The following ZHX2 variants were observed in gnomAD, a reference collection of about 807,000 sequenced individuals.
ZHX2 encodes the protein zinc fingers and homeoboxes 2, also known as zinc fingers and homeoboxes protein 2.
In ZHX2, 6 loss-of-function variants were observed where a neutral mutation model predicts 21.9. The ratio of observed to expected loss-of-function variants is 0.27; its 90% CI spans 0.15 to 0.54. ZHX2 has a LOEUF of 0.54. Among genes scored for constraint, ZHX2 ranks in the 20% least tolerant of loss-of-function variants. The probability of loss-of-function intolerance (pLI) is 0.95; values close to 1 mark genes in which losing one functional copy is unlikely to be tolerated. For synonymous variants in ZHX2, 434 were observed against 437.1 expected (o/e 0.99, Z 0.09); for missense variants, 908 against 1,090.7 (o/e 0.83, Z 2.36).
At chr8:122,883,834 G>A (rs1819772312) in intron 2 of ZHX2, among the ~76,000 whole-genome samples, 2 of 152,248 alleles carry the variant, frequency 1.3e-5, no homozygotes, top group Admixed American at 6.5e-5. Context: ...AACACCAGGT[G>A]TGGACGGGTT....
Position 122,953,172 on chromosome 8 carries a change from T to C in ZHX2, c.1662T>C (p.Pro554=), listed in dbSNP as rs774510568. 3.7e-6 allele frequency: 6 copies of C among 1,613,738 alleles called. No homozygotes were observed. Among genetic ancestry groups the C allele is most frequent in the Non-Finnish European group, 4.2e-6 (5 of 1,179,968 alleles). ...LEDSFLKSSF[P]TQAELDRLRV... ...ACAGCTTTTTGAAAAGTTCTTTTCC[T>C]ACCCAAGCAGAACTGGATCGGCTAA... Residue 554 remains proline, a synonymous_variant, in exon 3 of 4, where the codon CCT becomes CCC. Coordinates refer to ENST00000314393, the MANE Select transcript of ZHX2 (RefSeq NM_014943.5). This position sits in a 1 kb window ranked among gnomAD's most constrained non-coding sequence, Gnocchi z 4.6.
At chr8:122,858,650 T>C (rs1480429775) in intron 1 of ZHX2, among the ~76,000 whole-genome samples, 1 of 147,152 alleles carries the variant, frequency 6.8e-6, no homozygotes, top group Middle Eastern at 3.2e-3. Flanking sequence ...TTTTTTTTTT[T>C]TTTTTTTTGA....
rs1339925232 is a variant in ZHX2, at chr8:122,828,991, ACT to A, written c.-282-34483_-282-34482del. On this transcript the variant is annotated intron_variant, in intron 1 of 3. Transcript: ENST00000314393. This position sits in a 1 kb window ranked among gnomAD's most constrained non-coding sequence, Gnocchi z 5.2. ...TCACCAAAAAGAAAACATTTACTTA[ACT>A]CTGAGCCATTTATTAAATAGAATAT... Among the ~76,000 whole-genome samples, 5 of 152,232 alleles carry A rather than the reference ACT, an allele frequency of 3.3e-5. No individual in the cohort carries two copies. Among genetic ancestry groups the A allele is most frequent in the African/African-American group, 1.2e-4 (5 of 41,460 alleles).
Position 122,973,468 on chromosome 8 carries a change from A to G in ZHX2, c.*231A>G, listed in dbSNP as rs3802266. The G allele has an allele frequency of 0.49, 74,498 of 152,366 alleles. 18,817 individuals carry two copies. The highest frequency in any genetic ancestry group is 0.62 in the African/African-American group (25,462 of 41,400). The allele number at this position is 152,366 out of a possible 1,614,324, so 9.4% of individuals were successfully genotyped here. On this transcript the variant is annotated 3_prime_UTR_variant, in exon 4 of 4. Coordinates refer to ENST00000314393, the MANE Select transcript of ZHX2 (RefSeq NM_014943.5). Reference sequence around the variant, plus strand: ...CCAAAGTCCTACTACTGCGTTTTCAATGGGTCCTTGTACATAGTTTGCTCC... The same window carrying G: ...CCAAAGTCCTACTACTGCGTTTTCAGTGGGTCCTTGTACATAGTTTGCTCC...
Position 122,952,479 on chromosome 8 carries a change from A to C in ZHX2, c.969A>C (p.Pro323=), listed in dbSNP as rs772091106. Residue 323 remains proline, a synonymous_variant, in exon 3 of 4, where the codon CCA becomes CCC. Transcript: ENST00000314393. This position sits in a 1 kb window ranked among gnomAD's most constrained non-coding sequence, Gnocchi z 6.9. ...TAAAGCATGGCATCAGCTGGTCCCC[A>C]GAAGAGGTGGAGGAGGCCCGGAAGA... ...QRLKHGISWS[P]EEVEEARKKM... is the part of the protein sequence containing the mutation. 6.2e-7 allele frequency: 1 copy of C among 1,614,084 alleles called. No homozygotes were observed. Among genetic ancestry groups the C allele is most frequent in the Non-Finnish European group, 8.5e-7 (1 of 1,180,036 alleles).
chr8:122,951,326 C>T lies in ZHX2; in HGVS notation c.-185C>T, dbSNP rs192404933. 360 of 600,364 alleles carry T rather than the reference C, an allele frequency of 6.0e-4. 2 individuals are homozygous for T. In the African/African-American group the frequency reaches 6.2e-3, roughly 10 times the overall value. 37.2% of individuals were successfully genotyped at this position (600,364 alleles called of 1,614,324 possible). A position where few individuals can be genotyped will look rare whatever the true frequency, so the allele number is the denominator to read the frequency against. On this transcript the variant is annotated 5_prime_UTR_variant, in exon 3 of 4. Coordinates refer to ENST00000314393, the MANE Select transcript of ZHX2 (RefSeq NM_014943.5). ...TTCCTGGTGTGTTTAGTGGTTGGTG[C>T]CATTCCAATTTTCTGTGCTGAAATC...
At chr8:122,853,556 G>A (rs375233798) in intron 1 of ZHX2, among the ~76,000 whole-genome samples, 2 of 152,080 alleles carry the variant, frequency 1.3e-5, no homozygotes, top group Non-Finnish European at 2.9e-5. Context: ...CCTGCCCCTC[G>A]AGTTGGCTCC....
At chr8:122,944,564 T>G (rs73335716) in intron 2 of ZHX2, among the ~76,000 whole-genome samples, 4 of 151,674 alleles carry the variant, frequency 2.6e-5, no homozygotes, top group Admixed American at 2.6e-4. Context: ...AAACCTCAAG[T>G]GGCCCCGCTC....
chr8:122,804,159 A>T (rs1817777992), intron 1 of ZHX2, among the ~76,000 whole-genome samples: 1 of 152,140 alleles, frequency 6.6e-6, no homozygotes, highest in South Asian at 2.1e-4. Context: ...CCCAGGCTGC[A>T]GTGCAGTGGC....
At chr8:122,821,128 C>T (rs549360436) in intron 1 of ZHX2, among the ~76,000 whole-genome samples, 125 of 152,298 alleles carry the variant, frequency 8.2e-4, no homozygotes, top group African/African-American at 2.7e-3. Context: ...AATGTTCTCG[C>T]GAATTCTAGA....
intron 2 of ZHX2, among the ~76,000 whole-genome samples, chr8:122,906,816 G>A (rs140666474): frequency 0.022 from 3,293 of 151,604 alleles, 115 homozygotes; most frequent in African/African-American, 0.075. Flanking sequence ...GATTACAGGC[G>A]CACACCACCA....
chr8:122,951,497 C>T lies in ZHX2; in HGVS notation c.-14C>T, dbSNP rs770246397. ...CCCCCTCCAAAAATAAGCCATTGCA[C>T]ACAGACAGGCAGCATGGCTAGCAAA... On this transcript the variant is annotated 5_prime_UTR_variant, in exon 3 of 4. Transcript: ENST00000314393. 3 of 1,603,336 alleles carry T rather than the reference C, an allele frequency of 1.9e-6. No individual in the cohort carries two copies. The highest frequency in any genetic ancestry group is 2.6e-6 in the Non-Finnish European group (3 of 1,173,422).
chr8:122,872,373 T>C (rs998112742), intron 2 of ZHX2, among the ~76,000 whole-genome samples: 2 of 152,212 alleles, frequency 1.3e-5, no homozygotes, highest in Non-Finnish European at 2.9e-5. Flanking sequence ...AACCCTGTTG[T>C]AGGCATTTGG....
At chr8:122,901,448 G>A (rs1461510754) in intron 2 of ZHX2, among the ~76,000 whole-genome samples, 1 of 152,164 alleles carries the variant, frequency 6.6e-6, no homozygotes, top group African/African-American at 2.4e-5. Context: ...TCTAGGAGGA[G>A]GTTCTAAGAC....
chr8:122,838,874 C>G (rs1818564047), intron 1 of ZHX2, among the ~76,000 whole-genome samples: 1 of 151,886 alleles, frequency 6.6e-6, no homozygotes, highest in Non-Finnish European at 1.5e-5. Context: ...CATGCCTGGC[C>G]AATGTGATTT....
At position 122,952,872 on chromosome 8, in the gene ZHX2, C is replaced by G. The variant is rs753109440; in HGVS notation, c.1362C>G (p.Leu454=). 4 of 1,614,190 alleles carry G rather than the reference C, an allele frequency of 2.5e-6. No individual in the cohort carries two copies. In the African/African-American group the frequency reaches 4.0e-5, roughly 16 times the overall value. The change falls in exon 3 of 4, where the codon CTC becomes CTG. Residue 454 remains leucine (L), a synonymous_variant. Transcript: ENST00000314393. The surrounding 1 kb of genome is among the most constrained non-coding windows in gnomAD (Gnocchi z 6.9). The part of the protein sequence containing the change: ...RKKTKEQIAH[L]KASFLQSQFP... ...AGACAAAGGAGCAGATAGCACATCT[C>G]AAGGCCAGCTTTCTCCAGAGCCAGT...
chr8:122,902,179 C>T (rs1382114544), intron 2 of ZHX2, among the ~76,000 whole-genome samples: 2 of 152,222 alleles, frequency 1.3e-5, no homozygotes, highest in South Asian at 2.1e-4. Flanking sequence ...CCTAGGGGAC[C>T]ATTCAACTGA....
intron 1 of ZHX2, among the ~76,000 whole-genome samples, chr8:122,844,640 C>G (rs1208066275): frequency 6.6e-6 from 1 of 152,166 alleles, no homozygotes; most frequent in Non-Finnish European, 1.5e-5. Context: ...TTCTGGGAAT[C>G]TTTCTAGACA....
At chr8:122,965,205 G>T (rs1446465933) in intron 3 of ZHX2, among the ~76,000 whole-genome samples, 1 of 151,638 alleles carries the variant, frequency 6.6e-6, no homozygotes, top group Non-Finnish European at 1.5e-5. Flanking sequence ...GGTTTGGTTT[G>T]TTCTTGTTTC....
Sources: gnomAD v4.1 joint callset for allele counts (sites outside exome capture counted in the v4.1 genomes callset) on GRCh38, gnomAD v4.1.1 for gene constraint, Gnocchi (gnomAD v3.1) non-coding constraint, MANE v1.5 for transcripts, NCBI Gene and HGNC (gene_info 2026-07-23, HGNC 2026-07-21) for gene names.